The following CHTF18 variants were observed in gnomAD, a reference collection of about 807,000 sequenced individuals.
CHTF18 encodes the protein chromosome transmission fidelity factor 18.
In CHTF18, 151 loss-of-function variants were observed where a neutral mutation model predicts 113.4. The observed-to-expected ratio is 1.33, with a 90% CI of 1.17 to 1.52. The LOEUF (loss-of-function observed/expected upper bound fraction) is 1.52. Among genes scored for constraint, CHTF18 ranks in the 40% most tolerant of loss-of-function variants. CHTF18 has a pLI of 0.00. For missense variants in CHTF18, 1,982 were observed against 1,381.6 expected, an observed-to-expected ratio of 1.43 and a Z score of -6.89; for synonymous variants, 916 against 598.8, an observed-to-expected ratio of 1.53 and a Z score of -7.74.
chr16:788,635 G>T lies in CHTF18; in HGVS notation c.-50G>T. The T allele has an allele frequency of 7.3e-7, 1 of 1,366,548 alleles. No homozygotes were observed. The highest frequency in any genetic ancestry group is 9.7e-7 in the Non-Finnish European group (1 of 1,033,368). The allele number at this position is 1,366,548 out of a possible 1,614,324, so 84.7% of individuals were successfully genotyped here. A position where few individuals can be genotyped will look rare whatever the true frequency, so the allele number is the denominator to read the frequency against. ...CGCTCGGGGCGGGCAGTGCGCGACG[G>T]CGGCGGCGGCGCGGGAGGTTCGGAG... On this transcript the variant is annotated 5_prime_UTR_variant, in exon 1 of 22. Coordinates refer to ENST00000262315, the MANE Select transcript of CHTF18 (RefSeq NM_022092.3).
chr16:795,642 G>C (rs559891748), intron 16 of CHTF18, 43 bp from the exon 17 acceptor site: 1 of 1,230,136 alleles, frequency 8.1e-7, no homozygotes. Flanking sequence ...CCCCTCGCCC[G>C]GGAGGCCCAG....
Position 790,595 on chromosome 16 carries a change from G to A in CHTF18, c.823G>A (p.Asp275Asn), listed in dbSNP as rs778647892. ...APEEEPTDGQ[D>N]ASSHCLWVDE... is the part of the protein sequence containing the mutation. ...TGAGGAGGAGCCGACTGACGGTCAA[G>A]ACGCCTCCAGTCACTGCCTCTGGGT... Residue 275 changes from aspartate (D) to asparagine (N), a missense_variant, in exon 7 of 22, where the codon GAC (aspartate) becomes AAC (asparagine). Transcript: ENST00000262315. 15 of 1,597,408 alleles carry A rather than the reference G, an allele frequency of 9.4e-6. No individual in the cohort carries two copies. Among genetic ancestry groups the A allele is most frequent in the East Asian group, 2.3e-5 (1 of 44,152 alleles).
intron 8 of CHTF18, 140 bp from the exon 9 acceptor site, chr16:791,711 A>C: frequency 3.5e-6 from 5 of 1,435,032 alleles, no homozygotes; most frequent in East Asian, 2.6e-5. Context: ...GAAAGTGCTC[A>C]ATTTTGTTCT....
chr16:790,785 G>T, intron 7 of CHTF18, 119 bp downstream of exon 7: 1 of 1,437,260 alleles, frequency 7.0e-7, no homozygotes, highest in Non-Finnish European at 9.1e-7. Flanking sequence ...AGTGGGCTCT[G>T]GTTTGCCCTT....
At chr16:794,225 C>T (rs909182904) in intron 15 of CHTF18, 24 bp downstream of exon 15, 4 of 1,604,704 alleles carry the variant, frequency 2.5e-6, no homozygotes, top group Admixed American at 3.3e-5. Context: ...ACCAAAATGC[C>T]TGCCTGGGGC....
Position 791,220 on chromosome 16 carries a change from C to T in CHTF18, c.954C>T (p.His318=), listed in dbSNP as rs374015756. ...TGTGGGACCTGGTGGTGTTTGGCCACGAGAGGCCTTCCCGGAAGCCCAGGC... is the reference window on the plus strand; with the variant it reads ...TGTGGGACCTGGTGGTGTTTGGCCATGAGAGGCCTTCCCGGAAGCCCAGGC... ...LKLWDLVVFG[H]ERPSRKPRPS... Residue 318 remains histidine (H), a synonymous_variant, in exon 8 of 22, where the codon CAC becomes CAT. Transcript: ENST00000262315. 16 of 1,611,236 alleles carry T rather than the reference C, an allele frequency of 9.9e-6. No individual in the cohort carries two copies. Among genetic ancestry groups the T allele is most frequent in the African/African-American group, 4.0e-5 (3 of 74,906 alleles).
chr16:789,170 G>T (rs2042087439), intron 2 of CHTF18, 40 bp from the exon 3 acceptor site: 7 of 1,550,098 alleles, frequency 4.5e-6, no homozygotes, highest in Admixed American at 2.0e-5. Flanking sequence ...TGGGCGCGAG[G>T]CTGAGGAGGC....
At chr16:797,134 C>T in intron 20 of CHTF18, 42 bp downstream of exon 20, 4 of 1,475,490 alleles carry the variant, frequency 2.7e-6, no homozygotes, top group South Asian at 1.4e-5. Context: ...AGGGTACATA[C>T]CTTTGGGGGT....
At chr16:792,683 A>G in intron 11 of CHTF18, 35 bp from the exon 12 acceptor site, 1 of 1,582,398 alleles carries the variant, frequency 6.3e-7, no homozygotes, top group African/African-American at 1.3e-5. Flanking sequence ...TGTGGTGCCA[A>G]CCCTGGGGTC....
rs1423845067 is a variant in CHTF18 at position 789,035 on chromosome 16, G to C, written c.196G>C (p.Ala66Pro). The change falls in exon 2 of 22, where the codon GCC becomes CCC. Residue 66 changes from alanine (A) to proline (P), a missense_variant. Ala to Pro is a conservative substitution (Grantham distance 27, BLOSUM62 -1). Transcript: ENST00000262315. ...LARGDAASSPAPAASVGSSQG... is the reference protein window; with the variant it reads ...LARGDAASSPPPAASVGSSQG... ...CAGAGGGGACGCGGCCTCCAGTCCC[G>C]CCCCAGCCGCATCTGTGGGCAGCAG... The C allele has an allele frequency of 1.3e-6, 2 of 1,535,846 alleles. No homozygotes were observed. Among genetic ancestry groups the C allele is most frequent in the African/African-American group, 1.4e-5 (1 of 72,360 alleles).
In CHTF18 at chr16:797,552, G is replaced by T. The variant is rs1346870387; in HGVS notation, c.2734-142G>T. The T allele has an allele frequency of 1.9e-5, 15 of 798,262 alleles. No homozygotes were observed. In the African/African-American group the frequency reaches 1.9e-4, roughly 10 times the overall value. The allele number at this position is 798,262 out of a possible 1,614,324, so 49.4% of individuals were successfully genotyped here. A position where few individuals can be genotyped will look rare whatever the true frequency, so the allele number is the denominator to read the frequency against. On this transcript the variant is annotated intron_variant, in intron 20 of 21. Transcript: ENST00000262315. ...AGATGGCAGTGAGGGGTGAGGGGCA[G>T]CTGGCCTGGGCCAGGTTCCGAAAGG... is the stretch of plus-strand genomic sequence containing the variant.
At position 796,135 on chromosome 16, in the gene CHTF18, T is replaced by C. The variant is rs550792712; in HGVS notation, c.2456+58T>C. On this transcript the variant is annotated intron_variant, in intron 18 of 21. Coordinates refer to ENST00000262315, the MANE Select transcript of CHTF18 (RefSeq NM_022092.3). ...GGTCATGCTCCCCGGCTGTGCTCCA[T>C]GTTCAGGGCCCGCATGGGGCCAGGA... The C allele has an allele frequency of 1.7e-4, 266 of 1,557,634 alleles. 2 individuals carry two copies. In the South Asian group the frequency reaches 2.6e-3, roughly 15 times the overall value.
intron 14 of CHTF18, 56 bp downstream of exon 14, chr16:793,330 G>T: frequency 6.3e-7 from 1 of 1,582,808 alleles, no homozygotes; most frequent in Non-Finnish European, 8.6e-7. Flanking sequence ...ACCTCAGGAC[G>T]CTAGCCCTGT....
At chr16:791,739 G>C (rs533252524) in intron 8 of CHTF18, 112 bp from the exon 9 acceptor site, 33 of 1,465,946 alleles carry the variant, frequency 2.3e-5, no homozygotes, top group East Asian at 1.3e-4. Flanking sequence ...TGGCTGGAGT[G>C]GGGTGGAGGG....
intron 15 of CHTF18, 116 bp downstream of exon 15, chr16:794,317 G>A: frequency 1.6e-6 from 2 of 1,264,248 alleles, no homozygotes; most frequent in Non-Finnish European, 2.2e-6. Context: ...GGTGCTGAGA[G>A]AGGCAGGTTC....
At position 792,308 on chromosome 16, in the gene CHTF18, C is replaced by G. The variant is rs377531170; in HGVS notation, c.1287C>G (p.Pro429=). ...CGGTGCTGGGTGCTGGCGGGAAGCC[C>G]AACTGCCTGGTCATCGATGAGATCG... is the stretch of plus-strand genomic sequence containing the variant. The part of the protein sequence containing the change: ...MESVLGAGGK[P]NCLVIDEIDG... Residue 429 remains proline, a synonymous_variant, in exon 10 of 22, where the codon CCC becomes CCG. Coordinates refer to ENST00000262315, the MANE Select transcript of CHTF18 (RefSeq NM_022092.3). 3.2e-5 allele frequency: 50 copies of G among 1,553,818 alleles called. No homozygotes were observed. Among genetic ancestry groups the G allele is most frequent in the South Asian group, 7.1e-5 (6 of 84,324 alleles).
intron 9 of CHTF18, 53 bp downstream of exon 9, chr16:792,001 G>C: frequency 6.4e-7 from 1 of 1,563,812 alleles, no homozygotes; most frequent in Non-Finnish European, 8.7e-7. Flanking sequence ...ACGTGTTTGA[G>C]TTCTGGTGGC....
At chr16:792,850 G>T (rs2042237738) in intron 12 of CHTF18, 39 bp downstream of exon 12, 1 of 1,534,806 alleles carries the variant, frequency 6.5e-7, no homozygotes, top group Non-Finnish European at 8.8e-7. Context: ...TGATGGCGGG[G>T]TTGGGGGCGT....
At position 798,034 on chromosome 16, in the gene CHTF18, C is replaced by A; in HGVS notation, c.*59C>A. ...TCCCGCAGAGTGCAGAGACAGGAAG[C>A]TGGAGATGTCTTTATAAAGTCACAC... On this transcript the variant is annotated 3_prime_UTR_variant, in exon 22 of 22. Transcript: ENST00000262315. The A allele has an allele frequency of 6.4e-7, 1 of 1,557,122 alleles. No individual in the cohort carries two copies. Among genetic ancestry groups the A allele is most frequent in the Non-Finnish European group, 8.7e-7 (1 of 1,150,414 alleles).
Sources: gnomAD v4.1 joint callset for allele counts on GRCh38, gnomAD v4.1.1 for gene constraint, MANE v1.5 for transcripts, NCBI Gene and HGNC (gene_info 2026-07-23, HGNC 2026-07-21) for gene names.